Variants in RGPD3 observed in about 807,000 individuals in gnomAD.
The protein encoded by RGPD3 is RANBP2 like and GRIP domain containing 3, also known as ranBP2-like and GRIP domain-containing protein 3.
RGPD3 carries 62 observed loss-of-function variants against 154.5 expected under a neutral mutation model. That is an observed-to-expected ratio of 0.40 (90% CI 0.33 to 0.50). The LOEUF (loss-of-function observed/expected upper bound fraction) is 0.50, where lower values mean the gene tolerates loss of function less well. RGPD3 is among the 20% of genes least tolerant of loss of function. The probability of loss-of-function intolerance (pLI) is 0.59; values close to 1 mark genes in which losing one functional copy is unlikely to be tolerated. For missense variants in RGPD3, 919 were observed against 1,716.8 expected, an observed-to-expected ratio of 0.54 and a Z score of 8.21; for synonymous variants, 308 against 607.0, an observed-to-expected ratio of 0.51 and a Z score of 7.24.
intron 1 of RGPD3, among the ~76,000 whole-genome samples, chr2:106,462,762 A>C (rs1201998048): frequency 2.0e-5 from 3 of 151,802 alleles, no homozygotes; most frequent in Non-Finnish European, 4.4e-5. Flanking sequence ...CTCCCCCTAA[A>C]ATCCTCCAAA....
intron 22 of RGPD3, among the ~76,000 whole-genome samples, chr2:106,407,425 C>T (rs1676548887): frequency 6.6e-6 from 1 of 152,054 alleles, no homozygotes; most frequent in South Asian, 2.1e-4. Flanking sequence ...CTTCCACAAT[C>T]TGAAGAACTT....
At chr2:106,414,532 G>A (rs1676764980) in intron 21 of RGPD3, among the ~76,000 whole-genome samples, 1 of 149,192 alleles carries the variant, frequency 6.7e-6, no homozygotes, top group Admixed American at 6.7e-5. Context: ...TGAGGCAGGG[G>A]AATCGCTTGA....
intron 21 of RGPD3, among the ~76,000 whole-genome samples, chr2:106,414,639 T>C (rs1016614603): frequency 1.3e-5 from 2 of 150,906 alleles, no homozygotes; most frequent in Admixed American, 6.6e-5. Context: ...AAAGAAAATA[T>C]AACATTTAAA....
At chr2:106,417,677 GA>G (rs1022634697) in intron 20 of RGPD3, among the ~76,000 whole-genome samples, 8 of 150,840 alleles carry the variant, frequency 5.3e-5, no homozygotes, top group African/African-American at 2.0e-4. Flanking sequence ...GGGCCTATTA[GA>G]TTTTTTTTAA....
In RGPD3 at chr2:106,425,019, C is replaced by G. The variant is rs1340336192; in HGVS notation, c.2948G>C (p.Gly983Ala). 6.2e-7 allele frequency: 1 copy of G among 1,611,854 alleles called. No homozygotes were observed. The highest frequency in any genetic ancestry group is 2.2e-5 in the East Asian group (1 of 44,858). The change falls in exon 20 of 23, where the codon GGA (glycine) becomes GCA (alanine). Residue 983 changes from glycine (G) to alanine (A), a missense_variant. By Grantham distance (60) the Gly-to-Ala change is moderately conservative (BLOSUM62 0). Coordinates refer to ENST00000409886, the MANE Select transcript of RGPD3 (RefSeq NM_001144013.2). ...GAGGTCTTTTTTGCCAAACTGAAATCCTTCTCCTGAAGTTGATTTTGCAAC... is the reference window on the plus strand; with the variant it reads ...GAGGTCTTTTTTGCCAAACTGAAATGCTTCTCCTGAAGTTGATTTTGCAAC... ...ADVAKSTSGE[G>A]FQFGKKDLNF...
At chr2:106,464,594 A>C (rs1225717870) in intron 1 of RGPD3, among the ~76,000 whole-genome samples, 1 of 151,728 alleles carries the variant, frequency 6.6e-6, no homozygotes, top group Non-Finnish European at 1.5e-5. Context: ...AAATAAAAAT[A>C]AGAGCTGTCA....
intron 19 of RGPD3, 97 bp from the exon 20 acceptor site, chr2:106,425,363 G>A (rs1315793568): frequency 2.6e-6 from 4 of 1,561,124 alleles, no homozygotes; most frequent in African/African-American, 2.8e-5. Flanking sequence ...ATCAAATGAT[G>A]TTAACAATAA....
chr2:106,467,120 A>C (rs1421610840), intron 1 of RGPD3, among the ~76,000 whole-genome samples: 12 of 83,502 alleles, frequency 1.4e-4, no homozygotes, highest in South Asian at 1.3e-3. Flanking sequence ...CCGGCGCCTC[A>C]ACAGAGCGCG....
chr2:106,412,293 GTTTTTTTTTTTTTTTTTTT>G (rs772813472), intron 22 of RGPD3, among the ~76,000 whole-genome samples: 229 of 44,752 alleles, frequency 5.1e-3, no homozygotes, highest in Middle Eastern at 0.036. Context: ...CTACATCATA[GTTTTTTTTTTTTTTTTTTT>G]TTTTTTTTTT....
At chr2:106,418,219 T>A (rs1676871935) in intron 20 of RGPD3, among the ~76,000 whole-genome samples, 1 of 145,546 alleles carries the variant, frequency 6.9e-6, no homozygotes, top group Non-Finnish European at 1.5e-5. Flanking sequence ...TGCTACTAGC[T>A]AAGACAAACT....
chr2:106,410,116 T>C (rs890954619), intron 22 of RGPD3, among the ~76,000 whole-genome samples: 4 of 151,960 alleles, frequency 2.6e-5, no homozygotes, highest in Admixed American at 6.6e-5. Flanking sequence ...CCTCAGGTGA[T>C]CTACCCTCCT....
intron 1 of RGPD3, among the ~76,000 whole-genome samples, chr2:106,466,417 C>G (rs1413010956): frequency 3.7e-5 from 5 of 136,316 alleles, no homozygotes; most frequent in Non-Finnish European, 6.3e-5. Context: ...GAGCAGCGCC[C>G]GTCGGGAGCC....
In RGPD3 at chr2:106,424,971, G is replaced by T. The variant is rs1398194350; in HGVS notation, c.2996C>A (p.Ala999Asp). 6.8e-6 allele frequency: 11 copies of T among 1,611,710 alleles called. No individual in the cohort carries two copies. The East Asian group carries it at 1.6e-4, about 23-fold the overall frequency. The change falls in exon 20 of 23, where the codon GCT (alanine) becomes GAT (aspartate). Residue 999 changes from alanine (A) to aspartate (D), a missense_variant. Transcript: ENST00000409886. ...TTGTGATGAGAATAATTTTTCTCCA[G>T]CACCTGAAAATCCCTTGAAATTGAG... The part of the protein sequence containing the change: ...KDLNFKGFSG[A>D]GEKLFSSQYG...
Position 106,439,790 on chromosome 2 carries a change from C to T in RGPD3, c.1067-613G>A, listed in dbSNP as rs1160436308. ...CTGAGGGAGGAGAATGGTGTGAACC[C>T]GGGAGGCGGAGCTTGCAGTGAGCCG... On this transcript the variant is annotated intron_variant, in intron 8 of 22. Coordinates refer to ENST00000409886, the MANE Select transcript of RGPD3 (RefSeq NM_001144013.2). Among the ~76,000 whole-genome samples, 20 of 87,246 alleles carry T rather than the reference C, an allele frequency of 2.3e-4. 1 individual carries two copies. The highest frequency in any genetic ancestry group is 7.7e-4 in the African/African-American group (19 of 24,594). 57.2% of individuals were successfully genotyped at this position (87,246 alleles called of 152,430 possible).
chr2:106,462,649 T>G (rs1678437559), intron 1 of RGPD3, among the ~76,000 whole-genome samples: 1 of 152,120 alleles, frequency 6.6e-6, no homozygotes, highest in Non-Finnish European at 1.5e-5. Context: ...AACTTAACAT[T>G]TGTGGCCTAC....
intron 7 of RGPD3, among the ~76,000 whole-genome samples, chr2:106,444,801 C>G (rs1414973758): frequency 1.3e-5 from 2 of 150,038 alleles, no homozygotes; most frequent in African/African-American, 4.9e-5. Flanking sequence ...TGCACTCCAG[C>G]CACAGCACCT....
chr2:106,454,846 T>A (rs1379729799), intron 4 of RGPD3, among the ~76,000 whole-genome samples: 1 of 152,356 alleles, frequency 6.6e-6, no homozygotes, highest in East Asian at 1.9e-4. Flanking sequence ...TAGACTAATA[T>A]TTAAAATCCA....
At chr2:106,450,261 T>G (rs1413780939) in intron 6 of RGPD3, among the ~76,000 whole-genome samples, 5 of 70,684 alleles carry the variant, frequency 7.1e-5, no homozygotes, top group African/African-American at 1.3e-4. Flanking sequence ...GCGCCTGTAG[T>G]CCCAGCTACT....
chr2:106,448,826 G>C (rs1366975269), intron 6 of RGPD3, among the ~76,000 whole-genome samples: 1 of 151,576 alleles, frequency 6.6e-6, no homozygotes, highest in African/African-American at 2.4e-5. Context: ...GAGCAGCTGG[G>C]ACTATAGGCG....
Sources: allele counts gnomAD v4.1 joint callset (sites outside exome capture counted in the v4.1 genomes callset), GRCh38; gene constraint gnomAD v4.1.1; transcripts MANE v1.5; gene names NCBI Gene and HGNC (gene_info 2026-07-23, HGNC 2026-07-21).